PCDHA10: variants seen among roughly 807,000 people sequenced by gnomAD.
PCDHA10 encodes protocadherin alpha-10.
In PCDHA10, 45 loss-of-function variants were observed where a neutral mutation model predicts 61.2. The observed-to-expected ratio is 0.74, with a 90% CI of 0.58 to 0.94. PCDHA10 has a LOEUF of 0.94. PCDHA10 is among the 40% of genes least tolerant of loss of function. PCDHA10 has a pLI of 0.00. For synonymous variants in PCDHA10, 602 were observed against 548.8 expected, an observed-to-expected ratio of 1.10 and a Z score of -1.35; for missense variants, 1,278 against 1,236.2, an observed-to-expected ratio of 1.03 and a Z score of -0.51.
chr5:140,869,096 C>G (rs2050848393), intron 1 of PCDHA10: 2 of 1,594,364 alleles, frequency 1.3e-6, no homozygotes, highest in African/African-American at 2.7e-5. Context: ...AAGCCAATTT[C>G]GTATGCGATG....
chr5:140,894,971 G>A (rs1231249838), intron 1 of PCDHA10, among the ~76,000 whole-genome samples: 1 of 152,010 alleles, frequency 6.6e-6, no homozygotes, highest in African/African-American at 2.4e-5. Context: ...ATTTTTTAAT[G>A]TCTTACTTTG....
At chr5:140,946,925 C>T (rs1431365562) in intron 1 of PCDHA10, among the ~76,000 whole-genome samples, 1 of 151,242 alleles carries the variant, frequency 6.6e-6, no homozygotes, top group South Asian at 2.1e-4. Context: ...TTTTATTGAA[C>T]AGTAGAGTGT....
intron 1 of PCDHA10, chr5:140,861,593 A>G: frequency 2.7e-6 from 1 of 371,316 alleles, no homozygotes; most frequent in South Asian, 2.5e-5. Context: ...TGGAGGTGAA[A>G]GTGAAGAACA....
intron 1 of PCDHA10, among the ~76,000 whole-genome samples, chr5:140,938,157 G>A (rs532966795): frequency 6.6e-6 from 1 of 151,904 alleles, no homozygotes; most frequent in East Asian, 1.9e-4. Context: ...CATTGCCCAG[G>A]CTAGTCTGGA....
intron 1 of PCDHA10, among the ~76,000 whole-genome samples, chr5:140,909,950 C>T (rs940175754): frequency 1.3e-5 from 2 of 152,168 alleles, no homozygotes; most frequent in African/African-American, 4.8e-5. Flanking sequence ...GGTAAAAAGC[C>T]GTAGGTCTCC....
intron 1 of PCDHA10, chr5:140,882,287 G>A (rs1289206552): frequency 3.1e-6 from 5 of 1,613,126 alleles, no homozygotes; most frequent in African/African-American, 1.3e-5. Context: ...TTCCTGGCAA[G>A]GAGGCCCAAG....
chr5:140,969,506 G>T, intron 1 of PCDHA10: 1 of 1,427,058 alleles, frequency 7.0e-7, no homozygotes, highest in Non-Finnish European at 9.3e-7. Flanking sequence ...TAGAAAAATA[G>T]CACTAAAGAA....
At chr5:140,897,504 C>T (rs1253239827) in intron 1 of PCDHA10, among the ~76,000 whole-genome samples, 1 of 152,092 alleles carries the variant, frequency 6.6e-6, no homozygotes, top group Non-Finnish European at 1.5e-5. Context: ...CATGTCCCTA[C>T]AAAGGACATG....
intron 3 of PCDHA10, among the ~76,000 whole-genome samples, chr5:140,997,083 A>C (rs1267571178): frequency 2.6e-5 from 4 of 152,174 alleles, no homozygotes; most frequent in Non-Finnish European, 5.9e-5. Flanking sequence ...AGTTGAGTAG[A>C]AAGTGCAGAG....
intron 1 of PCDHA10, chr5:140,869,517 A>G: frequency 6.2e-7 from 1 of 1,614,200 alleles, no homozygotes; most frequent in Non-Finnish European, 8.5e-7. Flanking sequence ...TCAGAGAACA[A>G]AAGCTGCTGA....
intron 1 of PCDHA10, chr5:140,875,915 T>C: frequency 6.2e-7 from 1 of 1,614,214 alleles, no homozygotes; most frequent in Non-Finnish European, 8.5e-7. Context: ...TCTGCGCCTC[T>C]GGACTCTCAT....
At chr5:140,947,811 A>G (rs1554218329) in intron 1 of PCDHA10, among the ~76,000 whole-genome samples, 1 of 151,582 alleles carries the variant, frequency 6.6e-6, no homozygotes, top group Admixed American at 6.6e-5. Flanking sequence ...TGCAGAGACT[A>G]TTTCTTCCTT....
chr5:140,929,308 G>A, intron 1 of PCDHA10: 3 of 1,569,682 alleles, frequency 1.9e-6, no homozygotes, highest in East Asian at 2.3e-5. Context: ...AGGGGATCAC[G>A]CTAATGTCAA....
At chr5:140,952,750 A>T (rs1240610789) in intron 1 of PCDHA10, among the ~76,000 whole-genome samples, 2 of 152,326 alleles carry the variant, frequency 1.3e-5, no homozygotes, top group Non-Finnish European at 2.9e-5. Context: ...CTGCTATAAA[A>T]ACACCTGAGA....
intron 1 of PCDHA10, among the ~76,000 whole-genome samples, chr5:140,885,868 A>G (rs1347875524): frequency 6.6e-6 from 1 of 152,202 alleles, no homozygotes; most frequent in Admixed American, 6.5e-5. Context: ...TCTATTGAAA[A>G]AAAATTTTTA....
At chr5:140,869,800 T>C (rs782065808) in intron 1 of PCDHA10, 2 of 1,612,808 alleles carry the variant, frequency 1.2e-6, no homozygotes, top group Non-Finnish European at 1.7e-6. Context: ...AGTCCAAGTC[T>C]TGGATGTCAA....
intron 1 of PCDHA10, among the ~76,000 whole-genome samples, chr5:140,976,809 T>C (rs1563451400): frequency 6.6e-6 from 1 of 152,220 alleles, no homozygotes; most frequent in Non-Finnish European, 1.5e-5. Flanking sequence ...TATCTGAAGA[T>C]ATGCATGTGT....
At chr5:140,881,074 A>G (rs1416572917) in intron 1 of PCDHA10, among the ~76,000 whole-genome samples, 1 of 152,200 alleles carries the variant, frequency 6.6e-6, no homozygotes, top group African/African-American at 2.4e-5. Context: ...TAATTATTGG[A>G]GCTATGATAT....
At chr5:141,000,415 A>ATT (rs1563651650) in intron 3 of PCDHA10, among the ~76,000 whole-genome samples, 4 of 87,388 alleles carry the variant, frequency 4.6e-5, no homozygotes, top group African/African-American at 1.5e-4. Flanking sequence ...ATATATATAT[A>ATT]TATATATTTT....
Sources: gnomAD v4.1 joint callset for allele counts (sites outside exome capture counted in the v4.1 genomes callset) on GRCh38, gnomAD v4.1.1 for gene constraint, MANE v1.5 for transcripts, NCBI Gene and HGNC (gene_info 2026-07-23, HGNC 2026-07-21) for gene names.